Variants in ABI2 observed in about 807,000 individuals in gnomAD.
The protein encoded by ABI2 is abl interactor 2, also known as abelson interactor 2.
A neutral mutation model predicts 59.2 loss-of-function variants in ABI2; 25 were observed. The ratio of observed to expected loss-of-function variants is 0.42; its 90% CI spans 0.31 to 0.59. ABI2 has a LOEUF of 0.59. Ranked by LOEUF, ABI2 falls within the 20% of genes least tolerant of loss-of-function variation. ABI2 has a pLI of 0.14. For missense variants in ABI2, 545 were observed against 681.8 expected (o/e 0.80, Z 2.23); for synonymous variants, 213 against 235.5 (o/e 0.90, Z 0.87).
At chr2:203,332,600 G>C (rs942243204) in intron 1 of ABI2, among the ~76,000 whole-genome samples, 7 of 152,160 alleles carry the variant, frequency 4.6e-5, no homozygotes, top group Non-Finnish European at 7.3e-5. Context: ...ACTCCAGCCT[G>C]GGCGACAGAG....
chr2:203,369,266 G>A (rs750673748), intron 2 of ABI2, among the ~76,000 whole-genome samples: 2 of 151,556 alleles, frequency 1.3e-5, no homozygotes, highest in African/African-American at 2.4e-5. Flanking sequence ...AAAAAGAAAC[G>A]TTAAAAAAAA....
chr2:203,328,587 A>C lies in ABI2; in HGVS notation c.73A>C (p.Asn25His). Reference protein sequence around the residue: ...GRRALFDSYTNLERVADYCEN... With the variant: ...GRRALFDSYTHLERVADYCEN... The stretch of plus-strand genomic sequence containing the variant: ...CCGGGCCCTCTTCGACAGCTACACA[A>C]ATCTGGAACGGGTGGCCGATTACTG... Residue 25 changes from asparagine to histidine, a missense_variant, in exon 1 of 12, where the codon AAT becomes CAT. Transcript: ENST00000261018. The C allele has an allele frequency of 6.2e-7, 1 of 1,604,454 alleles. No individual in the cohort carries two copies. Among genetic ancestry groups the C allele is most frequent in the South Asian group, 1.1e-5 (1 of 90,460 alleles).
chr2:203,415,816 C>T (rs376762566), intron 10 of ABI2, among the ~76,000 whole-genome samples: 21 of 152,170 alleles, frequency 1.4e-4, no homozygotes, highest in African/African-American at 4.8e-4. Context: ...GTTGTGCTCA[C>T]GTATTTACCA....
intron 2 of ABI2, among the ~76,000 whole-genome samples, chr2:203,376,524 A>G (rs1218784998): frequency 6.6e-6 from 1 of 152,196 alleles, no homozygotes; most frequent in Admixed American, 6.5e-5. Context: ...GATTTGATAT[A>G]AAAAGCAACA....
At chr2:203,424,591 GT>G (rs1285149570) in intron 11 of ABI2, among the ~76,000 whole-genome samples, 3 of 151,910 alleles carry the variant, frequency 2.0e-5, no homozygotes, top group Non-Finnish European at 4.4e-5. Context: ...TAGAGACAGG[GT>G]TTTGCTATGT....
intron 11 of ABI2, among the ~76,000 whole-genome samples, chr2:203,422,148 C>A (rs1166663527): frequency 6.6e-6 from 1 of 151,672 alleles, no homozygotes; most frequent in Non-Finnish European, 1.5e-5. Flanking sequence ...AATTAGAAAA[C>A]TTAGCCAGAC....
chr2:203,418,821 A>G (rs952580962), intron 11 of ABI2, among the ~76,000 whole-genome samples: 25 of 152,236 alleles, frequency 1.6e-4, no homozygotes, highest in African/African-American at 6.0e-4. Flanking sequence ...CAAAACTATA[A>G]ACTCACAGAT....
intron 1 of ABI2, among the ~76,000 whole-genome samples, chr2:203,337,969 G>T (rs1306338507): frequency 1.3e-5 from 2 of 152,342 alleles, no homozygotes; most frequent in East Asian, 3.9e-4. Flanking sequence ...AGTGGAGGTT[G>T]CAGTGAGCTG....
rs142897031 is a variant in ABI2, at chr2:203,413,606, A to G, written c.1279+2235A>G. Among the ~76,000 whole-genome samples, 19 of 152,318 alleles carry G rather than the reference A, an allele frequency of 1.2e-4. No individual in the cohort carries two copies. The East Asian group carries it at 3.7e-3, about 29-fold the overall frequency. On this transcript the variant is annotated intron_variant, in intron 10 of 11. Transcript: ENST00000261018. ...TTCTCATTTACACAACGTATAAAAA[A>G]ATTGTGTATGAGGTGTGCTGTGACT...
chr2:203,414,105 T>C (rs2097787647), intron 10 of ABI2, among the ~76,000 whole-genome samples: 1 of 147,242 alleles, frequency 6.8e-6, no homozygotes, highest in African/African-American at 2.5e-5. Context: ...CATTGTCTTT[T>C]TTTTTTTTTT....
chr2:203,338,997 T>TATAA (rs2078258208), intron 1 of ABI2, among the ~76,000 whole-genome samples: 2 of 70,838 alleles, frequency 2.8e-5, no homozygotes, highest in African/African-American at 1.2e-4. Context: ...TATATATATA[T>TATAA]ATATATATAT....
intron 3 of ABI2, 36 bp downstream of exon 3, chr2:203,380,420 A>G (rs777468584): frequency 9.3e-6 from 13 of 1,399,684 alleles, no homozygotes; most frequent in South Asian, 3.0e-5. Context: ...TAAAAGTAGT[A>G]ACCCATAATG....
chr2:203,367,470 A>G (rs2094568877), intron 2 of ABI2: 1 of 151,462 alleles, frequency 6.6e-6, no homozygotes, highest in Non-Finnish European at 1.5e-5. Flanking sequence ...TAATGGAAAG[A>G]CTAGCAAACC....
At chr2:203,401,760 T>C (rs1390928193) in intron 8 of ABI2, among the ~76,000 whole-genome samples, 1 of 152,216 alleles carries the variant, frequency 6.6e-6, no homozygotes, top group East Asian at 1.9e-4. Context: ...AATGTTTGAT[T>C]TGGAATTACG....
chr2:203,373,710 T>C (rs72940139), intron 2 of ABI2, among the ~76,000 whole-genome samples: 1,708 of 152,304 alleles, frequency 0.011, 13 homozygotes, highest in Middle Eastern at 0.048. Context: ...TAGGACTTAC[T>C]GGGCCAGGTG....
intron 6 of ABI2, among the ~76,000 whole-genome samples, 170 bp from the exon 7 acceptor site, chr2:203,395,481 ACACAT>A (rs1252280809): frequency 2.4e-4 from 36 of 150,574 alleles, no homozygotes; most frequent in African/African-American, 8.5e-4. Flanking sequence ...ACACACACAC[ACACAT>A]TTTTTTTTAA....
chr2:203,402,514 GTATT>G (rs2097264960), intron 8 of ABI2, 58 bp from the exon 9 acceptor site: 3 of 1,246,944 alleles, frequency 2.4e-6, no homozygotes, highest in South Asian at 2.6e-5. Context: ...TGTACATAAA[GTATT>G]TAATGATCTG....
rs2096342596 is a variant in ABI2, at chr2:203,384,301, T to TTTTTTTTTTG, written c.480+2104_480+2105insGTTTTTTTTT. ...TTGTTTTTGTTTTTGTTTTTTTTTT[T>TTTTTTTTTTG]TTTTTTTTTTTTTTTTTTTTTTTGA... is the stretch of plus-strand genomic sequence containing the variant. On this transcript the variant is annotated intron_variant, in intron 4 of 11. Transcript: ENST00000261018. 1.7e-5 allele frequency among the ~76,000 whole-genome samples: 2 copies of TTTTTTTTTTG among 119,788 alleles called. 1 individual carries two copies. The highest frequency in any genetic ancestry group is 5.1e-4 in the South Asian group (2 of 3,914). The allele number at this position is 119,788 out of a possible 152,430, so 78.6% of individuals were successfully genotyped here. A position where few individuals can be genotyped will look rare whatever the true frequency, so the allele number is the denominator to read the frequency against.
chr2:203,336,626 C>T (rs925948165), intron 1 of ABI2, among the ~76,000 whole-genome samples: 4 of 152,092 alleles, frequency 2.6e-5, no homozygotes, highest in South Asian at 2.1e-4. Flanking sequence ...TTGGCTCCTC[C>T]GCAACAGAGT....
Sources: gnomAD v4.1 joint callset for allele counts (sites outside exome capture counted in the v4.1 genomes callset) on GRCh38, gnomAD v4.1.1 for gene constraint, MANE v1.5 for transcripts, NCBI Gene and HGNC (gene_info 2026-07-23, HGNC 2026-07-21) for gene names.